Variants in TMEM179 observed in about 807,000 individuals in gnomAD.
TMEM179 encodes transmembrane protein 179.
Under a neutral mutation model 22.2 loss-of-function variants are expected in TMEM179, and 17 were observed. That is an observed-to-expected ratio of 0.77 (90% CI 0.52 to 1.15). The LOEUF is 1.15. TMEM179 is among the 50% of genes most tolerant of loss of function. TMEM179 has a pLI of 0.00. For missense variants in TMEM179, 265 were observed against 313.6 expected (o/e 0.84, Z 1.17); for synonymous variants, 127 against 140.5 (o/e 0.90, Z 0.68).
intron 2 of TMEM179, 82 bp downstream of exon 2, chr14:104,596,908 G>A: frequency 6.5e-7 from 1 of 1,533,200 alleles, no homozygotes; most frequent in Non-Finnish European, 8.8e-7. Flanking sequence ...CTTCGTGAGG[G>A]AAGATCACCC....
At chr14:104,601,374 C>T (rs537881616) in intron 1 of TMEM179, among the ~76,000 whole-genome samples, 1 of 152,336 alleles carries the variant, frequency 6.6e-6, no homozygotes, top group South Asian at 2.1e-4. Context: ...CTCCTACGCA[C>T]CATCCCCTGT....
At chr14:104,600,783 G>A (rs919271140) in intron 1 of TMEM179, among the ~76,000 whole-genome samples, 1 of 152,228 alleles carries the variant, frequency 6.6e-6, no homozygotes. Flanking sequence ...GGAAGAGGAA[G>A]CTGGCACCTG....
chr14:104,594,522 C>G, intron 3 of TMEM179: 1 of 1,231,454 alleles, frequency 8.1e-7, no homozygotes, highest in South Asian at 4.2e-5. Flanking sequence ...AGGGGCAAAC[C>G]CAATTCCAGG....
Position 104,597,179 on chromosome 14 carries a change from A to C in TMEM179, c.306-52T>G. The C allele has an allele frequency of 3.3e-6, 5 of 1,506,302 alleles. No homozygotes were observed. Among genetic ancestry groups the C allele is most frequent in the East Asian group, 2.5e-5 (1 of 39,982 alleles). 93.3% of individuals were successfully genotyped at this position (1,506,302 alleles called of 1,614,324 possible). On this transcript the variant is annotated intron_variant, in intron 1 of 3. Coordinates refer to ENST00000556573, the MANE Select transcript of TMEM179 (RefSeq NM_001286389.2). This position sits in a 1 kb window ranked among gnomAD's most constrained non-coding sequence, Gnocchi z 4.8. ...CTCACTGGACACCACCTCCCAGGCG[A>C]CCCCCGCCCCCAGGCTGCAGCCAGA...
rs1002509999 is a variant in TMEM179, at chr14:104,593,893, C to A, written c.523-235G>T. 2.6e-5 allele frequency among the ~76,000 whole-genome samples: 4 copies of A among 152,244 alleles called. 1 individual carries two copies. Among genetic ancestry groups the A allele is most frequent in the Non-Finnish European group, 5.9e-5 (4 of 68,036 alleles). Reference sequence around the variant, plus strand: ...GCACCTGTGGCCCTCCCGGAACCCACTCTGGTGCAAAAGCCCTGGGCACTC... The same window carrying A: ...GCACCTGTGGCCCTCCCGGAACCCAATCTGGTGCAAAAGCCCTGGGCACTC... On this transcript the variant is annotated intron_variant, in intron 3 of 3. Transcript: ENST00000556573.
At position 104,597,866 on chromosome 14, in the gene TMEM179, T is replaced by G; in HGVS notation, c.306-739A>C. On this transcript the variant is annotated intron_variant, in intron 1 of 3. Transcript: ENST00000556573. The surrounding 1 kb of genome is among the most constrained non-coding windows in gnomAD (Gnocchi z 4.8). Reference sequence around the variant, plus strand: ...CTTGCTTGATGGGCCAGCTCTGATTTATCCATTTAAACTTAAAAGGCCAGG... The same window carrying G: ...CTTGCTTGATGGGCCAGCTCTGATTGATCCATTTAAACTTAAAAGGCCAGG... 6.6e-6 allele frequency among the ~76,000 whole-genome samples: 1 copy of G among 152,178 alleles called. No individual in the cohort carries two copies. The highest frequency in any genetic ancestry group is 1.9e-4 in the East Asian group (1 of 5,188).
intron 1 of TMEM179, among the ~76,000 whole-genome samples, chr14:104,600,582 CCATTCATTCATT>C (rs555646900): frequency 6.8e-6 from 1 of 146,048 alleles, no homozygotes; most frequent in Non-Finnish European, 1.5e-5. Context: ...ATTCATTCAT[CCATTCATTCATT>C]CATTCATTCA....
At position 104,604,205 on chromosome 14, in the gene TMEM179, C is replaced by G. The variant is rs72713830; in HGVS notation, c.305+232G>C. Among the ~76,000 whole-genome samples, 143 of 152,306 alleles carry G rather than the reference C, an allele frequency of 9.4e-4. No homozygotes were observed. Among genetic ancestry groups the G allele is most frequent in the South Asian group, 1.7e-3 (8 of 4,826 alleles). On this transcript the variant is annotated intron_variant, in intron 1 of 3. Coordinates refer to ENST00000556573, the MANE Select transcript of TMEM179 (RefSeq NM_001286389.2). The surrounding 1 kb of genome is among the most constrained non-coding windows in gnomAD (Gnocchi z 4.6). ...CCCGGAAGCGGGAGGTGATGCGCAG[C>G]TGGGGAGGGGAGGCACTGGCCTTGT...
At position 104,604,511 on chromosome 14, in the gene TMEM179, G is replaced by A. The variant is rs1244348716; in HGVS notation, c.231C>T (p.Ala77=). 2 of 1,569,218 alleles carry A rather than the reference G, an allele frequency of 1.3e-6. No homozygotes were observed. Residue 77 remains alanine, a synonymous_variant, in exon 1 of 4, where the codon GCC becomes GCT. Coordinates refer to ENST00000556573, the MANE Select transcript of TMEM179 (RefSeq NM_001286389.2). The surrounding 1 kb of genome is among the most constrained non-coding windows in gnomAD (Gnocchi z 4.6). ...CGGCCAGCAGCAGAGACAGGAGGCT[G>A]GCGAGCAGGCTGAAGCGGCAGGCGG... is the stretch of plus-strand genomic sequence containing the variant. ...PPAACRFSLL[A]SLLSLLLAAA... is the part of the protein sequence containing the mutation.
chr14:104,593,267 C>T lies in TMEM179; in HGVS notation c.*212G>A, dbSNP rs1368660194. On this transcript the variant is annotated 3_prime_UTR_variant, in exon 4 of 4. Coordinates refer to ENST00000556573, the MANE Select transcript of TMEM179 (RefSeq NM_001286389.2). ...ACACCCATAGTCTCTCTGCACCATCCTCATCAGGGAGCCGGCACCCACCCA... is the reference window on the plus strand; with the variant it reads ...ACACCCATAGTCTCTCTGCACCATCTTCATCAGGGAGCCGGCACCCACCCA... 1.1e-5 allele frequency: 7 copies of T among 626,002 alleles called. No individual in the cohort carries two copies. The highest frequency in any genetic ancestry group is 5.5e-5 in the African/African-American group (3 of 54,328). The allele number at this position is 626,002 out of a possible 1,614,324, so 38.8% of individuals were successfully genotyped here. A position where few individuals can be genotyped will look rare whatever the true frequency, so the allele number is the denominator to read the frequency against.
At chr14:104,594,251 G>A (rs1886942081) in intron 3 of TMEM179, 8 of 1,231,824 alleles carry the variant, frequency 6.5e-6, no homozygotes, top group Non-Finnish European at 7.1e-6. Flanking sequence ...AGGTGTCTTT[G>A]ACAGGTCCAG....
intron 1 of TMEM179, among the ~76,000 whole-genome samples, chr14:104,603,143 T>A (rs1304802475): frequency 2.6e-5 from 4 of 152,258 alleles, no homozygotes; most frequent in South Asian, 4.2e-4. Context: ...GCGCTGGGAT[T>A]CTCATTCCTC....
At chr14:104,602,706 C>T (rs905706317) in intron 1 of TMEM179, among the ~76,000 whole-genome samples, 2 of 152,226 alleles carry the variant, frequency 1.3e-5, no homozygotes, top group African/African-American at 4.8e-5. Flanking sequence ...GGACACCACC[C>T]TGCGCCCGGC....
In TMEM179 at chr14:104,604,229, G is replaced by A. The variant is rs150105944; in HGVS notation, c.305+208C>T. On this transcript the variant is annotated intron_variant, in intron 1 of 3. Transcript: ENST00000556573. This position sits in a 1 kb window ranked among gnomAD's most constrained non-coding sequence, Gnocchi z 4.6. The stretch of plus-strand genomic sequence containing the variant: ...GCTGGGGAGGGGAGGCACTGGCCTT[G>A]TACGCAGGACCGGTGGTCGTCATGG... Among the ~76,000 whole-genome samples, 653 of 152,328 alleles carry A rather than the reference G, an allele frequency of 4.3e-3. 13 individuals are homozygous for A. The highest frequency in any genetic ancestry group is 4.8e-3 in the Non-Finnish European group (327 of 68,022).
In TMEM179 at chr14:104,593,423, C is replaced by T. The variant is rs960935799; in HGVS notation, c.*56G>A. ...CCCCAGCTGCTTCCCCAGGCAGGCC[C>T]GTGCCCCCGAGCGCAGCAGGGAGGT... is the stretch of plus-strand genomic sequence containing the variant. On this transcript the variant is annotated 3_prime_UTR_variant, in exon 4 of 4. Transcript: ENST00000556573. 25 of 1,532,130 alleles carry T rather than the reference C, an allele frequency of 1.6e-5. No individual in the cohort carries two copies. The East Asian group carries it at 2.4e-4, about 15-fold the overall frequency. 94.9% of individuals were successfully genotyped at this position (1,532,130 alleles called of 1,614,324 possible).
At position 104,591,266 on chromosome 14, in the gene TMEM179, C is replaced by G. The variant is rs199711419; in HGVS notation, c.*2213G>C. The G allele has an allele frequency of 4.7e-6, 2 of 428,298 alleles. No homozygotes were observed. The highest frequency in any genetic ancestry group is 9.3e-6 in the Non-Finnish European group (2 of 215,630). The allele number at this position is 428,298 out of a possible 1,614,324, so 26.5% of individuals were successfully genotyped here. On this transcript the variant is annotated 3_prime_UTR_variant, in exon 4 of 4. Transcript: ENST00000556573. ...TGCAGCCCCCAAGAACAGACCCAAC[C>G]GGGGCCAAGCCTCAGGTTCCAGAAG...
rs2140478374 is a variant in TMEM179 at position 104,593,164 on chromosome 14, T to G, written c.*315A>C. The G allele has an allele frequency of 2.3e-5, 10 of 434,892 alleles. No individual in the cohort carries two copies. The South Asian group carries it at 3.4e-4, about 15-fold the overall frequency. 26.9% of individuals were successfully genotyped at this position (434,892 alleles called of 1,614,324 possible). ...GGAGACAAGCTGGACGCCCTCCACA[T>G]AGGCTGGCCAGTCAGGTCCTACTGG... On this transcript the variant is annotated 3_prime_UTR_variant, in exon 4 of 4. Coordinates refer to ENST00000556573, the MANE Select transcript of TMEM179 (RefSeq NM_001286389.2).
chr14:104,599,292 T>G (rs138353569), intron 1 of TMEM179, among the ~76,000 whole-genome samples: 59 of 114,024 alleles, frequency 5.2e-4, no homozygotes, highest in Non-Finnish European at 8.5e-4. Flanking sequence ...CCGTGCCCTC[T>G]GGCTTCCGGC....
intron 1 of TMEM179, among the ~76,000 whole-genome samples, chr14:104,601,132 T>G (rs1238350478): frequency 6.6e-6 from 1 of 152,226 alleles, no homozygotes; most frequent in East Asian, 1.9e-4. Flanking sequence ...TCACCTAGTC[T>G]ATGCAGCTGG....
Sources: gnomAD v4.1 joint callset for allele counts (sites outside exome capture counted in the v4.1 genomes callset) on GRCh38, gnomAD v4.1.1 for gene constraint, Gnocchi (gnomAD v3.1) non-coding constraint, MANE v1.5 for transcripts, NCBI Gene and HGNC (gene_info 2026-07-23, HGNC 2026-07-21) for gene names.